Variants in VAT1L observed in about 807,000 individuals in gnomAD.
VAT1L encodes the protein vesicle amine transport 1 like.
VAT1L carries 34 observed loss-of-function variants against 44.1 expected under a neutral mutation model. That is an observed-to-expected ratio of 0.77 (90% CI 0.59 to 1.03). The LOEUF is 1.03. VAT1L is among the 50% of genes least tolerant of loss of function. VAT1L has a pLI of 0.00. For synonymous variants in VAT1L, 253 were observed against 202.2 expected (o/e 1.25, Z -2.13); for missense variants, 615 against 538.8 (o/e 1.14, Z -1.40).
At chr16:77,795,929 G>A (rs929789535) in intron 1 of VAT1L, among the ~76,000 whole-genome samples, 1 of 147,186 alleles carries the variant, frequency 6.8e-6, no homozygotes, top group African/African-American at 2.5e-5. Flanking sequence ...AAGTTCAAGC[G>A]ATTCTCCTGC....
At chr16:77,912,399 G>A (rs1188062786) in intron 7 of VAT1L, among the ~76,000 whole-genome samples, 1 of 152,082 alleles carries the variant, frequency 6.6e-6, no homozygotes, top group Non-Finnish European at 1.5e-5. Flanking sequence ...AATGGTTGAG[G>A]CTGAGTGAAT....
At chr16:77,891,964 C>T (rs2017271067) in intron 7 of VAT1L, among the ~76,000 whole-genome samples, 1 of 152,008 alleles carries the variant, frequency 6.6e-6, no homozygotes, top group South Asian at 2.1e-4. Context: ...CCCAGCTACT[C>T]GGGGGGCTGA....
chr16:77,890,854 G>T (rs1191509562), intron 7 of VAT1L, among the ~76,000 whole-genome samples: 6 of 151,722 alleles, frequency 4.0e-5, no homozygotes, highest in Non-Finnish European at 1.5e-5. Flanking sequence ...AGTCTTGGGG[G>T]TGGAGGTTGC....
At chr16:77,877,220 G>C (rs1289306173) in intron 5 of VAT1L, among the ~76,000 whole-genome samples, 1 of 151,958 alleles carries the variant, frequency 6.6e-6, no homozygotes, top group Non-Finnish European at 1.5e-5. Flanking sequence ...TTAAACATTA[G>C]TCTCCACAGG....
At chr16:77,927,682 C>A (rs2017685706) in intron 7 of VAT1L, among the ~76,000 whole-genome samples, 1 of 152,008 alleles carries the variant, frequency 6.6e-6, no homozygotes, top group Admixed American at 6.6e-5. Context: ...TCGAGACCAT[C>A]CTGGCTAACA....
intron 3 of VAT1L, among the ~76,000 whole-genome samples, chr16:77,827,162 G>A (rs1015248996): frequency 7.9e-5 from 12 of 152,116 alleles, no homozygotes; most frequent in Admixed American, 4.6e-4. Context: ...TAAGCATCCC[G>A]TAGAAAAGAA....
chr16:77,889,209 A>T (rs1209840490), intron 7 of VAT1L, among the ~76,000 whole-genome samples: 2 of 152,214 alleles, frequency 1.3e-5, no homozygotes. Flanking sequence ...AGAAAATTTT[A>T]TTGGGCTCTC....
chr16:77,824,788 A>C (rs372927315), intron 2 of VAT1L, among the ~76,000 whole-genome samples: 52 of 151,922 alleles, frequency 3.4e-4, no homozygotes, highest in African/African-American at 1.2e-3. Context: ...GATACTAAAA[A>C]ATTTGGATAG....
At chr16:77,957,369 TATA>T (rs2018114601) in intron 7 of VAT1L, among the ~76,000 whole-genome samples, 1 of 152,080 alleles carries the variant, frequency 6.6e-6, no homozygotes, top group African/African-American at 2.4e-5. Context: ...CATGCAGAAA[TATA>T]ATATCTTTCT....
intron 7 of VAT1L, among the ~76,000 whole-genome samples, chr16:77,970,229 C>G (rs2018264754): frequency 6.6e-6 from 1 of 152,120 alleles, no homozygotes; most frequent in African/African-American, 2.4e-5. Context: ...GAGCAAGACC[C>G]TGTCCCCCCA....
intron 3 of VAT1L, among the ~76,000 whole-genome samples, chr16:77,827,751 C>A (rs941960567): frequency 1.3e-5 from 2 of 152,074 alleles, no homozygotes; most frequent in East Asian, 3.8e-4. Flanking sequence ...ATAACTAACA[C>A]TGGTTTTGGG....
intron 3 of VAT1L, among the ~76,000 whole-genome samples, chr16:77,839,131 G>A (rs1209378790): frequency 1.3e-5 from 2 of 152,170 alleles, no homozygotes; most frequent in Non-Finnish European, 2.9e-5. Flanking sequence ...TGGTCTAGAG[G>A]ACCCAAGATG....
At chr16:77,834,374 C>CA (rs1439220593) in intron 3 of VAT1L, among the ~76,000 whole-genome samples, 1 of 152,210 alleles carries the variant, frequency 6.6e-6, no homozygotes, top group Non-Finnish European at 1.5e-5. Context: ...ACTGCATTTT[C>CA]AAACCATCCT....
chr16:77,922,567 C>T (rs2017623922), intron 7 of VAT1L, among the ~76,000 whole-genome samples: 1 of 152,150 alleles, frequency 6.6e-6, no homozygotes, highest in Admixed American at 6.5e-5. Flanking sequence ...GAGAGAGGTG[C>T]TGTGACATGT....
chr16:77,869,059 AC>A (rs2017003913), intron 4 of VAT1L, among the ~76,000 whole-genome samples: 1 of 152,092 alleles, frequency 6.6e-6, no homozygotes. Flanking sequence ...AGGTGAAACT[AC>A]AAAAAAAAAA....
At chr16:77,961,861 C>T (rs557282719) in intron 7 of VAT1L, among the ~76,000 whole-genome samples, 7 of 152,272 alleles carry the variant, frequency 4.6e-5, no homozygotes, top group Non-Finnish European at 8.8e-5. Context: ...GTTTGTTGTT[C>T]CAAAATGAAG....
In VAT1L at chr16:77,862,674, G is replaced by GCTCTACAC. The variant is rs1597072295; in HGVS notation, c.580-72_580-65dup. 1.4e-5 allele frequency: 18 copies of GCTCTACAC among 1,302,740 alleles called. No homozygotes were observed. In the East Asian group the frequency reaches 4.6e-4, roughly 33 times the overall value. The allele number at this position is 1,302,740 out of a possible 1,614,324, so 80.7% of individuals were successfully genotyped here. Reference sequence around the variant, plus strand: ...TCAATAGTGCCGATGGAGAAATCCTGCTCTACACCCAGCAAGACTGGCTAT... The same window carrying GCTCTACAC: ...TCAATAGTGCCGATGGAGAAATCCTGCTCTACACCTCTACACCCAGCAAGACTGGCTAT... On this transcript the variant is annotated intron_variant, in intron 3 of 8. Transcript: ENST00000302536.
intron 3 of VAT1L, among the ~76,000 whole-genome samples, chr16:77,850,162 C>T (rs1314184510): frequency 2.0e-5 from 3 of 152,126 alleles, no homozygotes; most frequent in African/African-American, 4.8e-5. Flanking sequence ...TACAAATCCC[C>T]GTGTGTAGGG....
Position 77,825,235 on chromosome 16 carries a change from C to G in VAT1L, c.364-11C>G. The G allele has an allele frequency of 6.2e-7, 1 of 1,613,846 alleles. No homozygotes were observed. The highest frequency in any genetic ancestry group is 8.5e-7 in the Non-Finnish European group (1 of 1,179,994). On this transcript the variant is annotated splice_polypyrimidine_tract_variant and intron_variant, in intron 2 of 8. Coordinates refer to ENST00000302536, the MANE Select transcript of VAT1L (RefSeq NM_020927.3). ...GTAGCCTCCACTAACTCTGTGTTTC[C>G]CCATGCCCAGATTGGAGACCGTGTC...
Sources: gnomAD v4.1 joint callset for allele counts (sites outside exome capture counted in the v4.1 genomes callset) on GRCh38, gnomAD v4.1.1 for gene constraint, MANE v1.5 for transcripts, NCBI Gene and HGNC (gene_info 2026-07-23, HGNC 2026-07-21) for gene names.